CR1: variants seen among roughly 807,000 people sequenced by gnomAD.
The protein encoded by CR1 is complement receptor type 1.
In CR1, 116 loss-of-function variants were observed where a neutral mutation model predicts 187.3. That is an observed-to-expected ratio of 0.62 (90% CI 0.53 to 0.72). The LOEUF (loss-of-function observed/expected upper bound fraction) is 0.72, where lower values mean the gene tolerates loss of function less well. Ranked by LOEUF, CR1 falls within the 30% of genes least tolerant of loss-of-function variation. The pLI, the probability that CR1 is intolerant of heterozygous loss-of-function variation, is 0.00. For missense variants in CR1, 1,731 were observed against 2,110.7 expected, an observed-to-expected ratio of 0.82 and a Z score of 3.52; for synonymous variants, 576 against 747.1, an observed-to-expected ratio of 0.77 and a Z score of 3.73.
chr1:207,601,408 A>G (rs1257009828), intron 35 of CR1, among the ~76,000 whole-genome samples: 3 of 152,112 alleles, frequency 2.0e-5, no homozygotes, highest in South Asian at 2.1e-4. Context: ...TTGAGTCCAT[A>G]TTTTCAATTC....
rs762492054 is a variant in CR1 at position 207,618,279 on chromosome 1, CTGGGT to C, written c.7066+35_7066+39del. The C allele has an allele frequency of 5.0e-6, 8 of 1,599,510 alleles. No individual in the cohort carries two copies. In the East Asian group the frequency reaches 1.3e-4, roughly 27 times the overall value. On this transcript the variant is annotated intron_variant, in intron 42 of 46. Coordinates refer to ENST00000367049, the MANE Select transcript of CR1 (RefSeq NM_000651.6). ...TATTTCTTGGTATTCCTTATTCTTG[CTGGGT>C]TGTATGGAATGCATGAGGCTTGTAA...
At chr1:207,566,565 T>C (rs1660504434) in intron 24 of CR1, among the ~76,000 whole-genome samples, 1 of 150,112 alleles carries the variant, frequency 6.7e-6, no homozygotes, top group African/African-American at 2.5e-5. Flanking sequence ...TATGAGACAA[T>C]AGAGCAAAGC....
intron 42 of CR1, among the ~76,000 whole-genome samples, chr1:207,619,385 A>T (rs943077729): frequency 6.6e-6 from 1 of 151,846 alleles, no homozygotes; most frequent in African/African-American, 2.4e-5. Context: ...TCAAAAAAAA[A>T]AAAAAAAAAG....
chr1:207,587,333 T>C, intron 33 of CR1, 53 bp from the exon 34 acceptor site: 1 of 1,466,094 alleles, frequency 6.8e-7, no homozygotes, highest in Non-Finnish European at 9.3e-7. Flanking sequence ...AAAGAGGAGG[T>C]AGGGTGGAAG....
At chr1:207,586,357 A>G (rs1448981128) in intron 33 of CR1, among the ~76,000 whole-genome samples, 1 of 152,092 alleles carries the variant, frequency 6.6e-6, no homozygotes, top group African/African-American at 2.4e-5. Context: ...GCTGGTCTTG[A>G]ACTCCTGGGC....
At chr1:207,581,199 TATGTAG>T (rs1660929264) in intron 31 of CR1, among the ~76,000 whole-genome samples, 1 of 150,298 alleles carries the variant, frequency 6.7e-6, no homozygotes, top group South Asian at 2.1e-4. Flanking sequence ...TGGACACGTA[TATGTAG>T]ACGTATACAT....
chr1:207,596,264 T>TAA (rs1661438660), intron 35 of CR1, among the ~76,000 whole-genome samples: 1 of 152,112 alleles, frequency 6.6e-6, no homozygotes, highest in Non-Finnish European at 1.5e-5. Flanking sequence ...CTTTCTAATA[T>TAA]AATAAATATT....
intron 3 of CR1, among the ~76,000 whole-genome samples, chr1:207,508,360 T>C (rs1288806178): frequency 1.3e-5 from 2 of 152,246 alleles, no homozygotes; most frequent in Admixed American, 1.3e-4. Context: ...TGGTGAAAGA[T>C]GTTTATAATA....
chr1:207,563,986 T>G lies in CR1; in HGVS notation c.3709T>G (p.Ser1237Ala). Residue 1237 changes from serine to alanine, a missense_variant, in exon 22 of 47, where the codon TCT (serine) becomes GCT (alanine). This residue lies in a region of CR1 where 34 missense variants were observed against 79.5 expected (regional missense o/e 0.43). Coordinates refer to ENST00000367049, the MANE Select transcript of CR1 (RefSeq NM_000651.6). ...EPGYDLRGAA[S>A]MRCTPQGDWS... ...CGGCTATGACCTCAGAGGGGCTGCG[T>G]CTATGCGCTGCACACCCCAGGGAGA... 1 of 1,522,030 alleles carries G rather than the reference T, an allele frequency of 6.6e-7. No individual in the cohort carries two copies. Among genetic ancestry groups the G allele is most frequent in the South Asian group, 1.2e-5 (1 of 81,912 alleles). 94.3% of individuals were successfully genotyped at this position (1,522,030 alleles called of 1,614,324 possible). A position where few individuals can be genotyped will look rare whatever the true frequency, so the allele number is the denominator to read the frequency against.
Position 207,588,914 on chromosome 1 carries a change from C to G in CR1, c.5810+140C>G, listed in dbSNP as rs1040758213. 8.2e-6 allele frequency: 5 copies of G among 612,384 alleles called. No homozygotes were observed. The Admixed American group carries it at 1.6e-4, about 19-fold the overall frequency. The allele number at this position is 612,384 out of a possible 1,614,324, so 37.9% of individuals were successfully genotyped here. A position where few individuals can be genotyped will look rare whatever the true frequency, so the allele number is the denominator to read the frequency against. ...ATAGGACTTATAGATGGAGATGATA[C>G]GTTGGACATAGCCATATGATCAAAG... On this transcript the variant is annotated intron_variant, in intron 35 of 46. Transcript: ENST00000367049.
intron 4 of CR1, among the ~76,000 whole-genome samples, chr1:207,519,501 T>C (rs1210784287): frequency 1.3e-5 from 2 of 152,198 alleles, no homozygotes; most frequent in African/African-American, 4.8e-5. Flanking sequence ...GAGATAGACA[T>C]CCTTGATTTA....
Position 207,601,393 on chromosome 1 carries a change from T to G in CR1, c.5811-5858T>G, listed in dbSNP as rs1029576877. The stretch of plus-strand genomic sequence containing the variant: ...AGGCAGAATTGCTGATAAACCCATA[T>G]CTGTTTGAGTCCATATTTTCAATTC... On this transcript the variant is annotated intron_variant, in intron 35 of 46. Coordinates refer to ENST00000367049, the MANE Select transcript of CR1 (RefSeq NM_000651.6). Among the ~76,000 whole-genome samples the G allele has an allele frequency of 2.6e-5, 4 of 152,276 alleles. No individual in the cohort carries two copies. The East Asian group carries it at 7.7e-4, about 29-fold the overall frequency.
At chr1:207,524,731 C>T (rs1175708603) in intron 5 of CR1, among the ~76,000 whole-genome samples, 2 of 151,812 alleles carry the variant, frequency 1.3e-5, no homozygotes, top group Admixed American at 6.6e-5. Flanking sequence ...CATCAGATAA[C>T]ATTCTGAGAC....
intron 35 of CR1, 95 bp from the exon 36 acceptor site, chr1:207,607,156 T>C: frequency 1.0e-6 from 1 of 964,142 alleles, no homozygotes; most frequent in East Asian, 2.4e-5. Context: ...TAATCTGTCC[T>C]GTAATGTCTA....
chr1:207,581,711 TCA>T (rs1285483325), intron 31 of CR1, among the ~76,000 whole-genome samples: 1 of 152,228 alleles, frequency 6.6e-6, no homozygotes, highest in Non-Finnish European at 1.5e-5. Context: ...TGCTTTGTCC[TCA>T]CTGAAAGCTA....
At chr1:207,511,730 T>C in intron 4 of CR1, 76 bp downstream of exon 4, 4 of 1,408,098 alleles carry the variant, frequency 2.8e-6, no homozygotes, top group Middle Eastern at 1.8e-4. Context: ...AAATCTTAAC[T>C]GAATTCCTTC....
At position 207,609,348 on chromosome 1, in the gene CR1, A is replaced by T. The variant is rs1558264563; in HGVS notation, c.5955A>T (p.Arg1985Ser). 6.2e-7 allele frequency: 1 copy of T among 1,613,970 alleles called. No homozygotes were observed. The highest frequency in any genetic ancestry group is 8.5e-7 in the Non-Finnish European group (1 of 1,179,864). The change falls in exon 37 of 47, where the codon AGA becomes AGT. Residue 1985 changes from arginine (R) to serine (S), a missense_variant. Around this residue, in one of 5 missense-constraint regions of CR1, gnomAD observed 1,312 missense variants for 1,379.6 expected, o/e 0.95. Transcript: ENST00000367049. ...ISNGDFYSNN[R>S]TSFHNGTVVT... ...ATGGAGACTTCTACAGCAACAATAG[A>T]ACATCTTTTCACAATGGAACGGTGG...
intron 46 of CR1, among the ~76,000 whole-genome samples, chr1:207,635,877 A>T (rs551720627): frequency 5.9e-5 from 9 of 152,226 alleles, no homozygotes; most frequent in Non-Finnish European, 8.8e-5. Flanking sequence ...AACAAAGCAC[A>T]TCTGCACAGC....
chr1:207,584,647 A>G lies in CR1; in HGVS notation c.5303-2A>G, dbSNP rs1257030512. On this transcript the variant is annotated splice_acceptor_variant, in intron 32 of 46. Transcript: ENST00000367049. LOFTEE classifies it high-confidence loss of function. Reference sequence around the variant, plus strand: ...AATTGAGAGCTCTTGTTTTCTTTCTAGATATCTTTTGTCCAAATCCTCCAG... The same window carrying G: ...AATTGAGAGCTCTTGTTTTCTTTCTGGATATCTTTTGTCCAAATCCTCCAG... The G allele has an allele frequency of 1.9e-6, 3 of 1,612,778 alleles. No individual in the cohort carries two copies. Among genetic ancestry groups the G allele is most frequent in the Non-Finnish European group, 2.5e-6 (3 of 1,179,266 alleles).
Sources: gnomAD v4.1 joint callset for allele counts (sites outside exome capture counted in the v4.1 genomes callset) on GRCh38, gnomAD v4.1.1 for gene constraint, gnomAD v4.1.1 regional missense constraint, MANE v1.5 for transcripts, NCBI Gene and HGNC (gene_info 2026-07-23, HGNC 2026-07-21) for gene names.